The following ATXN2 variants were observed in gnomAD, a reference collection of about 807,000 sequenced individuals.
ATXN2 encodes ataxin-2.
Under a neutral mutation model 138.6 loss-of-function variants are expected in ATXN2, and 37 were observed. The ratio of observed to expected loss-of-function variants is 0.27; its 90% CI spans 0.21 to 0.35. The LOEUF is 0.35. ATXN2 is among the 10% of genes least tolerant of loss of function. The probability of loss-of-function intolerance (pLI) is 1.00; values close to 1 mark genes in which losing one functional copy is unlikely to be tolerated. For missense variants in ATXN2, 1,216 were observed against 1,480.3 expected (o/e 0.82, Z 2.93); for synonymous variants, 549 against 543.7 (o/e 1.01, Z -0.13).
chr12:111,490,467 C>T (rs916446478), intron 14 of ATXN2, among the ~76,000 whole-genome samples: 8 of 152,040 alleles, frequency 5.3e-5, no homozygotes, highest in African/African-American at 1.9e-4. Context: ...TAGGTGAATT[C>T]AGAATGAGAC....
chr12:111,506,336 A>C (rs545998966), intron 14 of ATXN2, among the ~76,000 whole-genome samples: 359 of 152,318 alleles, frequency 2.4e-3, no homozygotes, highest in Non-Finnish European at 3.8e-3. Flanking sequence ...AAAACCACTG[A>C]TTTATACACT....
At chr12:111,470,270 C>T (rs1876319138) in intron 19 of ATXN2, 30 bp from the exon 20 acceptor site, 21 of 1,605,894 alleles carry the variant, frequency 1.3e-5, no homozygotes, top group Non-Finnish European at 1.5e-5. Context: ...AAAGAAAGCA[C>T]ATTAACACTG....
intron 3 of ATXN2, among the ~76,000 whole-genome samples, chr12:111,553,572 CAAAAAAAAAAAAAA>C (rs757837884): frequency 1.0e-4 from 5 of 48,926 alleles, no homozygotes; most frequent in South Asian, 1.3e-3. Flanking sequence ...TCTTTTTTCT[CAAAAAAAAAAAAAA>C]AAAAAAAAAA....
At chr12:111,459,781 G>C (rs1303727127) in intron 21 of ATXN2, among the ~76,000 whole-genome samples, 1 of 151,542 alleles carries the variant, frequency 6.6e-6, no homozygotes, top group Non-Finnish European at 1.5e-5. Flanking sequence ...TGTCACCCAG[G>C]CTGGAGTGCA....
intron 15 of ATXN2, 34 bp from the exon 16 acceptor site, chr12:111,486,858 T>C: frequency 1.3e-6 from 2 of 1,566,290 alleles, no homozygotes; most frequent in Non-Finnish European, 1.8e-6. Context: ...GAAATCTACA[T>C]GGACTTTACG....
intron 21 of ATXN2, among the ~76,000 whole-genome samples, chr12:111,458,558 G>C (rs75377306): frequency 0.012 from 1,893 of 152,328 alleles, 45 homozygotes; most frequent in African/African-American, 0.044. Flanking sequence ...GCTGAGAATA[G>C]AGCGTTCTCA....
intron 2 of ATXN2, among the ~76,000 whole-genome samples, chr12:111,554,896 C>T (rs1489649252): frequency 1.3e-5 from 2 of 152,174 alleles, no homozygotes; most frequent in Admixed American, 1.3e-4. Context: ...TAGGTTCTCC[C>T]AGCATATCAG....
chr12:111,453,431 T>C lies in ATXN2; in HGVS notation c.3439+246A>G, dbSNP rs895625825. ...TCCTAGGCATGCATCAGGCTGCTGT[T>C]GCTGCTGCTGCTGCTTCTCATCAAG... On this transcript the variant is annotated intron_variant, in intron 24 of 24. Transcript: ENST00000673436. This position sits in a 1 kb window ranked among gnomAD's most constrained non-coding sequence, Gnocchi z 5.4. 4.1e-6 allele frequency: 5 copies of C among 1,223,048 alleles called. No individual in the cohort carries two copies. The South Asian group carries it at 1.4e-4, about 35-fold the overall frequency. 75.8% of individuals were successfully genotyped at this position (1,223,048 alleles called of 1,614,324 possible).
chr12:111,472,115 A>G (rs757935844), intron 18 of ATXN2, among the ~76,000 whole-genome samples: 31 of 152,192 alleles, frequency 2.0e-4, no homozygotes, highest in Non-Finnish European at 2.5e-4. Flanking sequence ...AAATACAAAA[A>G]TATTAGCCAG....
chr12:111,507,582 G>A (rs1250282399), intron 14 of ATXN2, among the ~76,000 whole-genome samples: 3 of 150,490 alleles, frequency 2.0e-5, no homozygotes, highest in African/African-American at 7.3e-5. Context: ...TCCGGGAGGT[G>A]GGGGGCACCT....
At position 111,464,701 on chromosome 12, in the gene ATXN2, G is replaced by A. The variant is rs747340723; in HGVS notation, c.2857C>T (p.Pro953Ser). The change falls in exon 21 of 25, where the codon CCA (proline) becomes TCA (serine). Residue 953 changes from proline (P) to serine (S), a missense_variant. Coordinates refer to ENST00000673436, the MANE Select transcript of ATXN2 (RefSeq NM_001372574.1). ...GAAGGGCTTGTCTCCTTGTTGTATG[G>A]TAATTTGGGACATGCTGAATTTGGG... is the stretch of plus-strand genomic sequence containing the variant. ...THAMYACPKL[P>S]YNKETSPSFY... The A allele has an allele frequency of 1.1e-5, 18 of 1,611,070 alleles. No individual in the cohort carries two copies. The highest frequency in any genetic ancestry group is 1.5e-5 in the Non-Finnish European group (18 of 1,177,806).
In ATXN2 at chr12:111,520,116, A is replaced by C. The variant is rs1466877986; in HGVS notation, c.789-40T>G. 2.5e-6 allele frequency: 4 copies of C among 1,596,036 alleles called. No individual in the cohort carries two copies. In the African/African-American group the frequency reaches 5.4e-5, roughly 21 times the overall value. ...AAAGAAAAGCAAAATGAGTCCTTTA[A>C]AGCCACAGTTTATGTATCTGTCATA... On this transcript the variant is annotated intron_variant, in intron 7 of 24. Transcript: ENST00000673436.
intron 18 of ATXN2, among the ~76,000 whole-genome samples, chr12:111,482,990 C>G (rs1180690893): frequency 6.6e-6 from 1 of 151,978 alleles, no homozygotes; most frequent in Non-Finnish European, 1.5e-5. Flanking sequence ...GAGTTTGAGA[C>G]CAGCCTAGGC....
intron 5 of ATXN2, among the ~76,000 whole-genome samples, chr12:111,529,383 T>C (rs1345993304): frequency 6.6e-6 from 1 of 152,156 alleles, no homozygotes; most frequent in Non-Finnish European, 1.5e-5. Flanking sequence ...CTGAAGGAAC[T>C]ACAGGTATAG....
At chr12:111,467,770 T>C (rs905110575) in intron 20 of ATXN2, among the ~76,000 whole-genome samples, 1 of 152,210 alleles carries the variant, frequency 6.6e-6, no homozygotes, top group African/African-American at 2.4e-5. Flanking sequence ...GCTCTTCAAA[T>C]GGACATGTTC....
intron 14 of ATXN2, among the ~76,000 whole-genome samples, chr12:111,502,567 T>A (rs1878847458): frequency 6.6e-6 from 1 of 152,024 alleles, no homozygotes; most frequent in Non-Finnish European, 1.5e-5. Flanking sequence ...GTAGCTGGGA[T>A]TACAGGCACC....
Position 111,477,015 on chromosome 12 carries a change from T to C in ATXN2, c.2525-6273A>G, listed in dbSNP as rs549600706. Among the ~76,000 whole-genome samples the C allele has an allele frequency of 4.6e-5, 7 of 152,090 alleles. No individual in the cohort carries two copies. In the South Asian group the frequency reaches 1.2e-3, roughly 27 times the overall value. On this transcript the variant is annotated intron_variant, in intron 18 of 24. Coordinates refer to ENST00000673436, the MANE Select transcript of ATXN2 (RefSeq NM_001372574.1). Reference sequence around the variant, plus strand: ...TCAATACAACAAAACAGTTCACAAATAGACACACATACAATACAGTCAACT... The same window carrying C: ...TCAATACAACAAAACAGTTCACAAACAGACACACATACAATACAGTCAACT...
Position 111,453,696 on chromosome 12 carries a change from G to C in ATXN2, c.3420C>G (p.Pro1140=). 6.2e-7 allele frequency: 1 copy of C among 1,610,706 alleles called. No homozygotes were observed. The highest frequency in any genetic ancestry group is 8.5e-7 in the Non-Finnish European group (1 of 1,178,290). Residue 1140 remains proline, a synonymous_variant, in exon 24 of 25, where the codon CCC becomes CCG. Coordinates refer to ENST00000673436, the MANE Select transcript of ATXN2 (RefSeq NM_001372574.1). The surrounding 1 kb of genome is among the most constrained non-coding windows in gnomAD (Gnocchi z 5.4). The part of the protein sequence containing the change: ...PIPVSTTAHF[P]YMTHPSVQAH... ...CCTCACCTGAAGGGTGCGTCATATAGGGGAAATGCGCTGTTGTCGAGACTG... is the reference window on the plus strand; with the variant it reads ...CCTCACCTGAAGGGTGCGTCATATACGGGAAATGCGCTGTTGTCGAGACTG...
chr12:111,569,916 G>A (rs1171656026), intron 1 of ATXN2, among the ~76,000 whole-genome samples: 2 of 152,102 alleles, frequency 1.3e-5, no homozygotes, highest in Non-Finnish European at 2.9e-5. Context: ...CTGTCCAAGA[G>A]AACTTTGTAC....
Sources: gnomAD v4.1 joint callset for allele counts (sites outside exome capture counted in the v4.1 genomes callset) on GRCh38, gnomAD v4.1.1 for gene constraint, Gnocchi (gnomAD v3.1) non-coding constraint, MANE v1.5 for transcripts, NCBI Gene and HGNC (gene_info 2026-07-23, HGNC 2026-07-21) for gene names.